Variants in SEMA4F observed in about 807,000 individuals in gnomAD.
SEMA4F encodes ssemaphorin 4F.
A neutral mutation model predicts 78.4 loss-of-function variants in SEMA4F; 51 were observed. The observed-to-expected ratio is 0.65, with a 90% CI of 0.52 to 0.82. The LOEUF (loss-of-function observed/expected upper bound fraction) is 0.82. Among genes scored for constraint, SEMA4F ranks in the 40% least tolerant of loss-of-function variants. The pLI is 0.00. For synonymous variants in SEMA4F, 418 were observed against 408.7 expected (o/e 1.02, Z -0.27); for missense variants, 938 against 1,014.4 (o/e 0.92, Z 1.02).
At chr2:74,689,296 A>G in the SEMA4F span, among the ~76,000 whole-genome samples, 1 of 152,228 alleles carries the variant, frequency 6.6e-6, no homozygotes, top group Non-Finnish European at 1.5e-5. Context: ...CTTTAAAATA[A>G]GATGTTTTTC....
At position 74,675,034 on chromosome 2, in the gene SEMA4F, A is replaced by C. The variant is rs1685192319; in HGVS notation, c.1148A>C (p.Glu383Ala). 6.2e-7 allele frequency: 1 copy of C among 1,613,488 alleles called. No homozygotes were observed. The highest frequency in any genetic ancestry group is 8.5e-7 in the Non-Finnish European group (1 of 1,179,890). ...GATGTGCCCCAGCCCAGACCTGGAG[A>C]GGTGAGGGGGCAGATCTTCATTCTA... ...DNDVPQPRPG[E>A]CITNNMKLRH... The change falls in exon 9 of 14, where the codon GAG becomes GCG. Residue 383 changes from glutamate (E) to alanine (A), a missense_variant and splice_region_variant. Glu to Ala is a moderately radical substitution (Grantham distance 107). Transcript: ENST00000357877.
intron 7 of SEMA4F, among the ~76,000 whole-genome samples, chr2:74,674,170 C>G (rs1318840526): frequency 6.6e-6 from 1 of 152,200 alleles, no homozygotes; most frequent in Non-Finnish European, 1.5e-5. Context: ...GTCTTTGAAA[C>G]TTGTCTATAA....
At chr2:74,665,659 C>G (rs961796353) in intron 5 of SEMA4F, among the ~76,000 whole-genome samples, 2 of 152,032 alleles carry the variant, frequency 1.3e-5, no homozygotes, top group East Asian at 1.9e-4. Flanking sequence ...TTATCATTAT[C>G]TATTGTTGAA....
At chr2:74,691,729 A>C in the SEMA4F span, among the ~76,000 whole-genome samples, 5 of 152,322 alleles carry the variant, frequency 3.3e-5, no homozygotes, top group African/African-American at 1.2e-4. Flanking sequence ...AAGTAACTCT[A>C]TTTGAAGGCA....
intron 12 of SEMA4F, among the ~76,000 whole-genome samples, chr2:74,677,226 G>A (rs900686312): frequency 6.6e-6 from 1 of 152,136 alleles, no homozygotes; most frequent in East Asian, 1.9e-4. Flanking sequence ...ACATTTTATT[G>A]TGGGAAAGTT....
chr2:74,676,027 T>G, intron 12 of SEMA4F, 118 bp downstream of exon 12: 1 of 1,088,930 alleles, frequency 9.2e-7, no homozygotes, highest in South Asian at 1.6e-5. Context: ...TTTCTGTCTG[T>G]TAGTGTCTAC....
rs762356726 is a variant in SEMA4F, at chr2:74,662,714, C to A, written c.457-18C>A. The A allele has an allele frequency of 3.1e-6, 5 of 1,589,632 alleles. No homozygotes were observed. The South Asian group carries it at 5.5e-5, about 18-fold the overall frequency. On this transcript the variant is annotated intron_variant, in intron 4 of 13. Coordinates refer to ENST00000357877, the MANE Select transcript of SEMA4F (RefSeq NM_004263.5). ...TTCCCTATGACCCCTAAACCAATTG[C>A]CCCCTTCTGGTCTATAGGATGTGTC... is the stretch of plus-strand genomic sequence containing the variant.
the SEMA4F span, among the ~76,000 whole-genome samples, chr2:74,706,117 A>T: frequency 1.3e-5 from 2 of 152,146 alleles, no homozygotes; most frequent in Admixed American, 6.5e-5. Context: ...CATTTATTGA[A>T]TTTTTTTTAA....
intron 4 of SEMA4F, among the ~76,000 whole-genome samples, chr2:74,661,611 CTG>C (rs1407848215): frequency 6.6e-6 from 1 of 152,196 alleles, no homozygotes; most frequent in Non-Finnish European, 1.5e-5. Flanking sequence ...TGCTGTGCCT[CTG>C]TGGAGTCCTC....
At position 74,657,732 on chromosome 2, in the gene SEMA4F, C is replaced by CT. The variant is rs1192884837; in HGVS notation, c.357+109dup. 109 of 1,391,558 alleles carry CT rather than the reference C, an allele frequency of 7.8e-5. 1 individual carries two copies. The Admixed American group carries it at 1.5e-3, about 20-fold the overall frequency. The allele number at this position is 1,391,558 out of a possible 1,614,324, so 86.2% of individuals were successfully genotyped here. ...ATACCAATGGGCCCAGGCAGAGACT[C>CT]TAACACCATGCCATCACCCATCATC... On this transcript the variant is annotated intron_variant, in intron 3 of 13. Coordinates refer to ENST00000357877, the MANE Select transcript of SEMA4F (RefSeq NM_004263.5).
chr2:74,682,312 AGG>A lies in SEMA4F; in HGVS notation c.*2104_*2105del, dbSNP rs1685660280. 1 of 151,668 alleles carries A rather than the reference AGG, an allele frequency of 6.6e-6. No individual in the cohort carries two copies. Among genetic ancestry groups the A allele is most frequent in the African/African-American group, 2.4e-5 (1 of 41,254 alleles). The allele number at this position is 151,668 out of a possible 1,614,324, so 9.4% of individuals were successfully genotyped here. On this transcript the variant is annotated 3_prime_UTR_variant, in exon 14 of 14. Transcript: ENST00000357877. ...GGGCCTGTAGTCCCAGCTACTCGGG[AGG>A]CTGAGGCAGGAGAATGGCGTGAACC...
the SEMA4F span, among the ~76,000 whole-genome samples, chr2:74,708,613 A>G: frequency 1.3e-5 from 2 of 152,198 alleles, no homozygotes; most frequent in Non-Finnish European, 1.5e-5. Context: ...CTGCTAAAAC[A>G]GAAAATTTAA....
chr2:74,691,397 G>A, the SEMA4F span, among the ~76,000 whole-genome samples: 14 of 152,152 alleles, frequency 9.2e-5, no homozygotes, highest in Admixed American at 5.9e-4. Flanking sequence ...GGAGTTGTTC[G>A]GAAACACCTA....
At chr2:74,663,351 C>T (rs2104940689) in intron 5 of SEMA4F, among the ~76,000 whole-genome samples, 1 of 152,200 alleles carries the variant, frequency 6.6e-6, no homozygotes, top group Admixed American at 6.5e-5. Flanking sequence ...GTAAATAGGC[C>T]TGTGTGTCTA....
At chr2:74,704,950 G>C in the SEMA4F span, among the ~76,000 whole-genome samples, 1 of 152,086 alleles carries the variant, frequency 6.6e-6, no homozygotes, top group Non-Finnish European at 1.5e-5. Context: ...CTCAATCCAA[G>C]GGTCCATCAG....
At position 74,679,276 on chromosome 2, in the gene SEMA4F, G is replaced by A; in HGVS notation, c.1644G>A (p.Gly548=). 6.2e-7 allele frequency: 1 copy of A among 1,611,540 alleles called. No homozygotes were observed. Among genetic ancestry groups the A allele is most frequent in the South Asian group, 1.1e-5 (1 of 91,038 alleles). Residue 548 remains glycine, a splice_region_variant and synonymous_variant, in exon 13 of 14, where the codon GGG becomes GGA. Coordinates refer to ENST00000357877, the MANE Select transcript of SEMA4F (RefSeq NM_004263.5). Reference sequence around the variant, plus strand: ...TTACCAAGCATTCTCTTCTTTATAGGTTGGTCCAAGACATAGAGTCAGCAG... The same window carrying A: ...TTACCAAGCATTCTCTTCTTTATAGATTGGTCCAAGACATAGAGTCAGCAG... The part of the protein sequence containing the change: ...ECVAHAGEHR[G]LVQDIESADV...
At chr2:74,654,989 C>T (rs1468138596) in intron 1 of SEMA4F, among the ~76,000 whole-genome samples, 2 of 152,326 alleles carry the variant, frequency 1.3e-5, no homozygotes, top group South Asian at 2.1e-4. Context: ...TTTCATTCTA[C>T]TCCAGCTTTC....
the SEMA4F span, among the ~76,000 whole-genome samples, chr2:74,697,831 C>T: frequency 6.6e-6 from 1 of 152,260 alleles, no homozygotes; most frequent in Non-Finnish European, 1.5e-5. Flanking sequence ...TTAGCAGGGC[C>T]AGGGCAGCAG....
rs1685684867 is a variant in SEMA4F at position 74,682,676 on chromosome 2, C to T, written c.*2467C>T. ...TTACCCTCAGCCTATCTTTCAACCC[C>T]ACTCACTTGAGGTTGTGGCCTAGTT... On this transcript the variant is annotated 3_prime_UTR_variant, in exon 14 of 14. Transcript: ENST00000357877. 6.6e-6 allele frequency: 1 copy of T among 152,214 alleles called. No homozygotes were observed. The highest frequency in any genetic ancestry group is 2.1e-4 in the South Asian group (1 of 4,826). The allele number at this position is 152,214 out of a possible 1,614,324, so 9.4% of individuals were successfully genotyped here.
Sources: gnomAD v4.1 joint callset for allele counts (sites outside exome capture counted in the v4.1 genomes callset) on GRCh38, gnomAD v4.1.1 for gene constraint, MANE v1.5 for transcripts, NCBI Gene and HGNC (gene_info 2026-07-23, HGNC 2026-07-21) for gene names.